The following CHIC1 variants were observed in gnomAD, a reference collection of about 807,000 sequenced individuals.
CHIC1 encodes cysteine-rich hydrophobic domain-containing protein 1.
In CHIC1, 7 loss-of-function variants were observed where a neutral mutation model predicts 18.5. That is an observed-to-expected ratio of 0.38 (90% CI 0.22 to 0.71). CHIC1 has a LOEUF of 0.71. Ranked by LOEUF, CHIC1 falls within the 30% of genes least tolerant of loss-of-function variation. The pLI is 0.49. For missense variants in CHIC1, 159 were observed against 176.9 expected (o/e 0.90, Z 0.57); for synonymous variants, 77 against 73.5 (o/e 1.05, Z -0.25).
chrX:73,650,448 A>G (rs1482969874), intron 3 of CHIC1, among the ~76,000 whole-genome samples: 1 of 111,029 alleles, frequency 9.0e-6, no homozygotes, highest in Non-Finnish European at 1.9e-5. Context: ...CTAATAAGGA[A>G]GAAAAGAGAG....
intron 3 of CHIC1, among the ~76,000 whole-genome samples, chrX:73,592,549 TAAAG>T (rs1401784171): frequency 9.0e-6 from 1 of 111,659 alleles, no homozygotes; most frequent in Non-Finnish European, 1.9e-5. Context: ...ATCCTAGGAT[TAAAG>T]CCTACTTGAT....
chrX:73,618,951 G>T (rs1031238948), intron 3 of CHIC1, among the ~76,000 whole-genome samples: 5 of 112,111 alleles, frequency 4.5e-5, no homozygotes, highest in Non-Finnish European at 7.5e-5. Context: ...TTCTTTGGGG[G>T]CCAAGAGAGC....
intron 3 of CHIC1, among the ~76,000 whole-genome samples, chrX:73,587,342 A>G (rs1164495744): frequency 1.8e-5 from 2 of 111,881 alleles, no homozygotes; most frequent in Non-Finnish European, 3.8e-5. Flanking sequence ...GCGATTTCGC[A>G]GCTACATGAT....
rs1029674243 is a variant in CHIC1, at chrX:73,683,315, A to G, written c.*2310A>G. On this transcript the variant is annotated 3_prime_UTR_variant, in exon 6 of 6. Transcript: ENST00000373502. ...CTGGTTGACTCATCTTAGTTTCTTC[A>G]ACTACCCAAAAAAATACCAATTTTT... 2 of 111,563 alleles carry G rather than the reference A, an allele frequency of 1.8e-5. No individual in the cohort carries two copies. The highest frequency in any genetic ancestry group is 6.5e-5 in the African/African-American group (2 of 30,788). 9.2% of individuals were successfully genotyped at this position (111,563 alleles called of 1,213,427 possible).
chrX:73,592,931 T>G (rs1280041860), intron 3 of CHIC1, among the ~76,000 whole-genome samples: 2 of 110,690 alleles, frequency 1.8e-5, no homozygotes. Context: ...GATTCAATCT[T>G]GAGAGCCTGT....
At chrX:73,607,875 A>G (rs1279681293) in intron 3 of CHIC1, among the ~76,000 whole-genome samples, 2 of 107,860 alleles carry the variant, frequency 1.9e-5, no homozygotes, top group African/African-American at 7.2e-5. Context: ...AAGTGCAGAG[A>G]TCACCTGCCT....
chrX:73,573,901 C>A (rs1246307097), intron 1 of CHIC1, among the ~76,000 whole-genome samples: 2 of 110,408 alleles, frequency 1.8e-5, no homozygotes, highest in Non-Finnish European at 3.8e-5. Context: ...TTCTTCTTTT[C>A]CTGTTTGCAT....
Position 73,670,906 on chromosome X carries a change from T to C in CHIC1, c.508-8420T>C, listed in dbSNP as rs1386340340. Among the ~76,000 whole-genome samples, 3 of 111,993 alleles carry C rather than the reference T, an allele frequency of 2.7e-5. No individual in the cohort carries two copies. In the Admixed American group the frequency reaches 2.8e-4, roughly 11 times the overall value. On this transcript the variant is annotated intron_variant, in intron 3 of 5. Transcript: ENST00000373502. ...GATATGATTTTGATTTTCTTACATT[T>C]GAGACAGTTTTTTACTTAACATGTT...
At chrX:73,616,761 A>G (rs990508567) in intron 3 of CHIC1, among the ~76,000 whole-genome samples, 1 of 111,772 alleles carries the variant, frequency 8.9e-6, no homozygotes, top group South Asian at 3.8e-4. Flanking sequence ...TAGAGTGGCT[A>G]GGATGGAGAG....
chrX:73,622,937 G>A (rs772539221), intron 3 of CHIC1, among the ~76,000 whole-genome samples: 3 of 111,621 alleles, frequency 2.7e-5, no homozygotes, highest in Non-Finnish European at 3.8e-5. Flanking sequence ...CATTAATTTC[G>A]TTATTTACCC....
chrX:73,563,158 C>T (rs2057423869), upstream of CHIC1: 3 of 341,232 alleles, frequency 8.8e-6, no homozygotes, highest in Non-Finnish European at 1.1e-5. Flanking sequence ...AACACGCAGG[C>T]GCGTCTCCTC....
Position 73,602,823 on chromosome X carries a change from G to T in CHIC1, c.507+18251G>T, listed in dbSNP as rs766674548. Among the ~76,000 whole-genome samples the T allele has an allele frequency of 9.2e-5, 10 of 108,677 alleles. No individual in the cohort carries two copies. The East Asian group carries it at 2.0e-3, about 21-fold the overall frequency. The allele number at this position is 108,677 out of a possible 115,157, so 94.4% of individuals were successfully genotyped here. A position where few individuals can be genotyped will look rare whatever the true frequency, so the allele number is the denominator to read the frequency against. On this transcript the variant is annotated intron_variant, in intron 3 of 5. Coordinates refer to ENST00000373502, the MANE Select transcript of CHIC1 (RefSeq NM_001039840.4). The stretch of plus-strand genomic sequence containing the variant: ...CAGGTTTGTCAAAGATCAGGTGGTT[G>T]TAGATGTGTGGTGTTTATTTATAAG...
chrX:73,621,307 A>T (rs905814731), intron 3 of CHIC1, among the ~76,000 whole-genome samples: 16 of 112,033 alleles, frequency 1.4e-4, no homozygotes, highest in African/African-American at 5.2e-4. Context: ...CCATTTTCAC[A>T]ATATTGATTC....
rs869309622 is a variant in CHIC1, at chrX:73,658,248, G to GTTTTTTTTTTTT, written c.508-21058_508-21047dup. Among the ~76,000 whole-genome samples, 35 of 16,711 alleles carry GTTTTTTTTTTTT rather than the reference G, an allele frequency of 2.1e-3. 8 individuals carry two copies. Among genetic ancestry groups the GTTTTTTTTTTTT allele is most frequent in the East Asian group, 5.4e-3 (2 of 372 alleles). The allele number at this position is 16,711 out of a possible 115,157, so 14.5% of individuals were successfully genotyped here. ...ATTCAGCTGTGAATCCTGGTCCTAG[G>GTTTTTTTTTTTT]TTTTTTTTTTTTTTTTTTTTTTTTT... On this transcript the variant is annotated intron_variant, in intron 3 of 5. Coordinates refer to ENST00000373502, the MANE Select transcript of CHIC1 (RefSeq NM_001039840.4).
chrX:73,578,678 A>G (rs1256189039), intron 2 of CHIC1: 1 of 110,256 alleles, frequency 9.1e-6, no homozygotes, highest in Non-Finnish European at 1.9e-5. Flanking sequence ...AAATAAGCCC[A>G]TTAATAAATG....
intron 3 of CHIC1, among the ~76,000 whole-genome samples, chrX:73,595,100 C>T (rs983766524): frequency 9.0e-6 from 1 of 111,094 alleles, no homozygotes; most frequent in Non-Finnish European, 1.9e-5. Flanking sequence ...GATTTCAATT[C>T]TTTTGGGTAT....
chrX:73,567,635 A>G (rs2057450961), intron 1 of CHIC1, among the ~76,000 whole-genome samples: 1 of 111,183 alleles, frequency 9.0e-6, no homozygotes, highest in South Asian at 3.8e-4. Flanking sequence ...TACATATCTA[A>G]TCAAACCACT....
At chrX:73,611,974 T>C (rs1167405812) in intron 3 of CHIC1, among the ~76,000 whole-genome samples, 3 of 108,938 alleles carry the variant, frequency 2.8e-5, no homozygotes, top group African/African-American at 1.0e-4. Context: ...GTAGGTTGCC[T>C]GTTCACTCTG....
At chrX:73,580,114 A>G (rs774799910) in intron 2 of CHIC1, among the ~76,000 whole-genome samples, 3 of 110,726 alleles carry the variant, frequency 2.7e-5, no homozygotes, top group East Asian at 2.9e-4. Flanking sequence ...CCAATTTTAT[A>G]TGCTCAAGGA....
Sources: allele counts gnomAD v4.1 joint callset (sites outside exome capture counted in the v4.1 genomes callset), GRCh38; gene constraint gnomAD v4.1.1; transcripts MANE v1.5; gene names NCBI Gene and HGNC (gene_info 2026-07-23, HGNC 2026-07-21).